The following FAM53A variants were observed in gnomAD, a reference collection of about 807,000 sequenced individuals.
FAM53A encodes the protein protein FAM53A.
In FAM53A, 28 loss-of-function variants were observed where a neutral mutation model predicts 26.6. The ratio of observed to expected loss-of-function variants is 1.05; its 90% CI spans 0.78 to 1.45. The LOEUF is 1.45. Among genes scored for constraint, FAM53A ranks in the 40% most tolerant of loss-of-function variants. FAM53A has a pLI of 0.00. For synonymous variants in FAM53A, 290 were observed against 253.1 expected, an observed-to-expected ratio of 1.15 and a Z score of -1.38; for missense variants, 650 against 575.8, an observed-to-expected ratio of 1.13 and a Z score of -1.32.
At position 1,655,338 on chromosome 4, in the gene FAM53A, C is replaced by T. The variant is rs751915300; in HGVS notation, c.522G>A (p.Val174=). 5 of 1,433,686 alleles carry T rather than the reference C, an allele frequency of 3.5e-6. No homozygotes were observed. Among genetic ancestry groups the T allele is most frequent in the Non-Finnish European group, 4.6e-6 (5 of 1,097,888 alleles). The allele number at this position is 1,433,686 out of a possible 1,614,324, so 88.8% of individuals were successfully genotyped here. A position where few individuals can be genotyped will look rare whatever the true frequency, so the allele number is the denominator to read the frequency against. Residue 174 remains valine (V), a synonymous_variant, in exon 4 of 5, where the codon GTG becomes GTA. Coordinates refer to ENST00000308132, the MANE Select transcript of FAM53A (RefSeq NM_001174070.3). ...CGGGCGAGGTGGGACCGGTCGACCA[C>T]ACAGCACTCCTCGGCAGGACGGCGC... The part of the protein sequence containing the change: ...SPGAVLPRSA[V]WSTGPTSPAT...
intron 2 of FAM53A, among the ~76,000 whole-genome samples, chr4:1,667,197 G>A (rs903440658): frequency 6.6e-6 from 1 of 152,178 alleles, no homozygotes; most frequent in Non-Finnish European, 1.5e-5. Flanking sequence ...TACTCGGGAG[G>A]CTGAGGCACG....
intron 1 of FAM53A, among the ~76,000 whole-genome samples, chr4:1,624,555 G>A (rs898294062): frequency 7.9e-5 from 12 of 152,194 alleles, no homozygotes; most frequent in Non-Finnish European, 1.5e-4. Context: ...AAAACCTGTA[G>A]GAAGATTCCC....
Position 1,656,455 on chromosome 4 carries a change from G to C in FAM53A, c.137-732C>G, listed in dbSNP as rs188626714. On this transcript the variant is annotated intron_variant, in intron 3 of 4. Transcript: ENST00000308132. ...AGTGGAGGCTGTGAGACCTGCCTCT[G>C]GGGAAAGGCCCTGGGATGACCTTGG... is the stretch of plus-strand genomic sequence containing the variant. Among the ~76,000 whole-genome samples, 268 of 152,292 alleles carry C rather than the reference G, an allele frequency of 1.8e-3. 1 individual carries two copies. The highest frequency in any genetic ancestry group is 6.2e-3 in the African/African-American group (257 of 41,570).
chr4:1,610,762 C>G, the FAM53A span, among the ~76,000 whole-genome samples: 2 of 152,148 alleles, frequency 1.3e-5, no homozygotes, highest in Non-Finnish European at 2.9e-5. Context: ...GGCTCTCCCC[C>G]ACTGCACAGC....
At chr4:1,673,209 G>A (rs1321129184) in intron 1 of FAM53A, among the ~76,000 whole-genome samples, 3 of 152,134 alleles carry the variant, frequency 2.0e-5, no homozygotes, top group Non-Finnish European at 4.4e-5. Context: ...GACTGGAGGG[G>A]GTCCCAATGC....
chr4:1,597,853 G>T, the FAM53A span, among the ~76,000 whole-genome samples: 30 of 152,364 alleles, frequency 2.0e-4, no homozygotes, highest in South Asian at 5.2e-3. Flanking sequence ...AAAATTCGCC[G>T]GATGTGGTGG....
rs760177940 is a variant in FAM53A at position 1,655,389 on chromosome 4, C to G, written c.471G>C (p.Gly157=). ...CGGGGCTTCCCTGCCGCGTGGCACT[C>G]CCGCCGCTGTCGCACCGCCTCTTGG... is the stretch of plus-strand genomic sequence containing the variant. ...PVSKRRCDSG[G]SATRQGSPGA... The change falls in exon 4 of 5, where the codon GGG becomes GGC. Residue 157 remains glycine, a synonymous_variant. Coordinates refer to ENST00000308132, the MANE Select transcript of FAM53A (RefSeq NM_001174070.3). 1 of 1,460,054 alleles carries G rather than the reference C, an allele frequency of 6.8e-7. No individual in the cohort carries two copies. The highest frequency in any genetic ancestry group is 9.0e-7 in the Non-Finnish European group (1 of 1,106,886). The allele number at this position is 1,460,054 out of a possible 1,614,324, so 90.4% of individuals were successfully genotyped here.
intron 2 of FAM53A, among the ~76,000 whole-genome samples, chr4:1,660,051 G>A (rs560559603): frequency 3.2e-4 from 48 of 152,018 alleles, no homozygotes; most frequent in Non-Finnish European, 6.2e-4. Context: ...ATCCCAGCAC[G>A]GCGGGAGGAT....
chr4:1,578,013 G>A, the FAM53A span, among the ~76,000 whole-genome samples: 24 of 152,142 alleles, frequency 1.6e-4, no homozygotes, highest in Admixed American at 1.6e-3. Context: ...GGCTGCCCTT[G>A]CAGGCCGGGG....
chr4:1,608,896 G>A, the FAM53A span, among the ~76,000 whole-genome samples: 2 of 152,158 alleles, frequency 1.3e-5, no homozygotes, highest in Admixed American at 6.5e-5. Flanking sequence ...GGGCTTACGG[G>A]ACGGAGGGCG....
intron 2 of FAM53A, among the ~76,000 whole-genome samples, chr4:1,665,216 A>G (rs1714135447): frequency 1.3e-5 from 2 of 151,614 alleles, no homozygotes; most frequent in Non-Finnish European, 2.9e-5. Flanking sequence ...TACTCAGGAG[A>G]CTGAGGCAAG....
intron 4 of FAM53A, among the ~76,000 whole-genome samples, chr4:1,651,835 T>A (rs962475217): frequency 7.3e-6 from 1 of 136,244 alleles, no homozygotes; most frequent in East Asian, 1.9e-4. Context: ...CGGGGCTGCA[T>A]GGATCTGAGG....
the FAM53A span, among the ~76,000 whole-genome samples, chr4:1,589,810 T>C: frequency 1.3e-5 from 2 of 152,192 alleles, no homozygotes; most frequent in Admixed American, 1.3e-4. Context: ...TCATCAGTAT[T>C]GCCTGTCTTA....
rs147512907 is a variant in FAM53A at position 1,641,625 on chromosome 4, C to T, written c.883-18G>A. The T allele has an allele frequency of 1.1e-4, 174 of 1,613,300 alleles. No individual in the cohort carries two copies. The African/African-American group carries it at 1.2e-3, about 11-fold the overall frequency. On this transcript the variant is annotated intron_variant, in intron 4 of 4. Coordinates refer to ENST00000308132, the MANE Select transcript of FAM53A (RefSeq NM_001174070.3). Reference sequence around the variant, plus strand: ...TTTAAAGTCTGCAATAGAAAAGATACGGGCTTAAAGCATTTCTAGCAGATC... The same window carrying T: ...TTTAAAGTCTGCAATAGAAAAGATATGGGCTTAAAGCATTTCTAGCAGATC...
chr4:1,618,068 CTA>C (rs1560103219), exon 2 of FAM53A: 1 of 456,352 alleles, frequency 2.2e-6, no homozygotes, highest in Non-Finnish European at 4.4e-6. Flanking sequence ...GAGGGCCGTG[CTA>C]TGTCATGGCA....
chr4:1,577,737 T>A, the FAM53A span, among the ~76,000 whole-genome samples: 1 of 152,128 alleles, frequency 6.6e-6, no homozygotes, highest in African/African-American at 2.4e-5. Context: ...CCTATCTGAC[T>A]CTGTACTTTT....
chr4:1,645,869 G>A (rs62287660), intron 4 of FAM53A, among the ~76,000 whole-genome samples: 35,359 of 152,140 alleles, frequency 0.23, 4,375 homozygotes, highest in Admixed American at 0.31. Context: ...CAGTTTGAAC[G>A]TATACCTCCA....
Position 1,659,121 on chromosome 4 carries a change from G to A in FAM53A, c.76-1653C>T, listed in dbSNP as rs976652698. Among the ~76,000 whole-genome samples, 5 of 152,240 alleles carry A rather than the reference G, an allele frequency of 3.3e-5. No homozygotes were observed. The highest frequency in any genetic ancestry group is 1.3e-4 in the Admixed American group (2 of 15,288). ...AAAAGACAGGCCGCCTACACACGGGGTCCCACCTCAGCCAGCACGGCGGTG... is the reference window on the plus strand; with the variant it reads ...AAAAGACAGGCCGCCTACACACGGGATCCCACCTCAGCCAGCACGGCGGTG... On this transcript the variant is annotated intron_variant, in intron 2 of 4. Coordinates refer to ENST00000308132, the MANE Select transcript of FAM53A (RefSeq NM_001174070.3). The surrounding 1 kb of genome is among the most constrained non-coding windows in gnomAD (Gnocchi z 5.2).
chr4:1,672,354 AGG>A (rs1714741515), intron 1 of FAM53A, among the ~76,000 whole-genome samples: 2 of 128,724 alleles, frequency 1.6e-5, no homozygotes, highest in African/African-American at 8.9e-5. Flanking sequence ...CCATGGACCC[AGG>A]AACCCAGGAA....
Sources: allele counts gnomAD v4.1 joint callset (sites outside exome capture counted in the v4.1 genomes callset), GRCh38; gene constraint gnomAD v4.1.1; non-coding constraint Gnocchi (gnomAD v3.1); transcripts MANE v1.5; gene names NCBI Gene and HGNC (gene_info 2026-07-23, HGNC 2026-07-21).